TMEM216: variants seen among roughly 807,000 people sequenced by gnomAD.
TMEM216 encodes transmembrane protein 216.
A neutral mutation model predicts 17.8 loss-of-function variants in TMEM216; 15 were observed. That is an observed-to-expected ratio of 0.84 (90% CI 0.56 to 1.30). The LOEUF (loss-of-function observed/expected upper bound fraction) is 1.30. TMEM216 is among the 50% of genes most tolerant of loss of function. TMEM216 has a pLI of 0.00. For missense variants in TMEM216, 160 were observed against 175.7 expected, an observed-to-expected ratio of 0.91 and a Z score of 0.51; for synonymous variants, 58 against 73.5, an observed-to-expected ratio of 0.79 and a Z score of 1.08.
intron 4 of TMEM216, 120 bp from the exon 5 acceptor site, chr11:61,398,150 G>A: frequency 7.0e-7 from 1 of 1,432,606 alleles, no homozygotes; most frequent in South Asian, 1.2e-5. Flanking sequence ...TTCCCACTCA[G>A]GGAAGATACT....
intron 3 of TMEM216, 53 bp from the exon 4 acceptor site, chr11:61,397,721 G>A: frequency 6.5e-7 from 1 of 1,549,736 alleles, no homozygotes; most frequent in Non-Finnish European, 8.9e-7. Flanking sequence ...CCTTTCCCCT[G>A]GGCCAGGAAA....
Position 61,398,531 on chromosome 11 carries a change from T to G in TMEM216, c.*255T>G. The stretch of plus-strand genomic sequence containing the variant: ...GGCAAGGTTATTCCCATCCTGCCCC[T>G]TCTCAGAACCAGTCCCCTGCTGACC... On this transcript the variant is annotated 3_prime_UTR_variant, in exon 5 of 5. Transcript: ENST00000515837. 1.9e-6 allele frequency: 1 copy of G among 527,784 alleles called. No individual in the cohort carries two copies. The allele number at this position is 527,784 out of a possible 1,614,324, so 32.7% of individuals were successfully genotyped here.
chr11:61,394,413 G>C (rs112985176), intron 3 of TMEM216: 1 of 154,464 alleles, frequency 6.5e-6, no homozygotes, highest in Non-Finnish European at 1.4e-5. Context: ...TCTGTCCCCA[G>C]GCTGGAGTGC....
intron 1 of TMEM216, 90 bp downstream of exon 1, chr11:61,392,755 A>G (rs1001374141): frequency 9.1e-6 from 14 of 1,533,742 alleles, no homozygotes; most frequent in Admixed American, 2.0e-5. Flanking sequence ...TAAACCCTCC[A>G]TTCTCTAGCG....
At chr11:61,395,918 G>C (rs1425426480) in intron 3 of TMEM216, among the ~76,000 whole-genome samples, 1 of 152,032 alleles carries the variant, frequency 6.6e-6, no homozygotes, top group Non-Finnish European at 1.5e-5. Flanking sequence ...TGGGGAACAG[G>C]TTGTTATACA....
chr11:61,398,211 A>G, intron 4 of TMEM216, 59 bp from the exon 5 acceptor site: 12 of 1,597,808 alleles, frequency 7.5e-6, no homozygotes, highest in Non-Finnish European at 9.4e-6. Flanking sequence ...AGTCGAGGCC[A>G]GCTGCTCTCA....
In TMEM216 at chr11:61,397,838, A is replaced by T. The variant is rs1199911042; in HGVS notation, c.294A>T (p.Pro98=). ...PLSISVALTF[P]SAMMASYYLL... is the part of the protein sequence containing the mutation. ...GTATTAGCGTGGCCTTGACCTTCCC[A>T]TCTGCCATGATGGCCTCCTATTACC... Residue 98 remains proline (P), a synonymous_variant, in exon 4 of 5, where the codon CCA becomes CCT. Transcript: ENST00000515837. 1.9e-6 allele frequency: 3 copies of T among 1,613,948 alleles called. No homozygotes were observed.
rs547305489 is a variant in TMEM216 at position 61,394,137 on chromosome 11, G to A, written c.229+161G>A. On this transcript the variant is annotated intron_variant, in intron 3 of 4. Coordinates refer to ENST00000515837, the MANE Select transcript of TMEM216 (RefSeq NM_001173990.3). ...GTTTCAAGTTGCTGCTTCATACATTGGGTCAAGATTTACCTGTTTGTTGCT... is the reference window on the plus strand; with the variant it reads ...GTTTCAAGTTGCTGCTTCATACATTAGGTCAAGATTTACCTGTTTGTTGCT... 7.8e-6 allele frequency: 5 copies of A among 639,296 alleles called. No homozygotes were observed. The South Asian group carries it at 9.8e-5, about 13-fold the overall frequency. 39.6% of individuals were successfully genotyped at this position (639,296 alleles called of 1,614,324 possible).
chr11:61,394,796 A>T (rs1858763215), intron 3 of TMEM216, among the ~76,000 whole-genome samples: 2 of 151,740 alleles, frequency 1.3e-5, no homozygotes, highest in South Asian at 4.2e-4. Flanking sequence ...CCTCCTGAGT[A>T]GCTGGGACTG....
chr11:61,396,599 C>G (rs1240036935), intron 3 of TMEM216, among the ~76,000 whole-genome samples: 1 of 151,672 alleles, frequency 6.6e-6, no homozygotes, highest in Non-Finnish European at 1.5e-5. Flanking sequence ...TCGTGACCAG[C>G]CTGGCTAACA....
rs1440827828 is a variant in TMEM216, at chr11:61,392,779, G to T, written c.34+114G>T. 3 of 1,528,262 alleles carry T rather than the reference G, an allele frequency of 2.0e-6. No homozygotes were observed. In the East Asian group the frequency reaches 7.4e-5, roughly 37 times the overall value. The allele number at this position is 1,528,262 out of a possible 1,614,324, so 94.7% of individuals were successfully genotyped here. A position where few individuals can be genotyped will look rare whatever the true frequency, so the allele number is the denominator to read the frequency against. ...CATTCTCTAGCGTTAGGGACGTCGC[G>T]CCTCCCTGGTCCAAAGCCGGCTTCC... On this transcript the variant is annotated intron_variant, in intron 1 of 4. Coordinates refer to ENST00000515837, the MANE Select transcript of TMEM216 (RefSeq NM_001173990.3).
intron 3 of TMEM216, 121 bp from the exon 4 acceptor site, chr11:61,397,653 T>C (rs2135195825): frequency 3.6e-6 from 3 of 826,188 alleles, no homozygotes; most frequent in East Asian, 2.6e-5. Flanking sequence ...TTTATAAATC[T>C]GCACACCCCC....
intron 3 of TMEM216, among the ~76,000 whole-genome samples, chr11:61,396,974 G>A (rs939241993): frequency 2.0e-5 from 3 of 151,436 alleles, no homozygotes; most frequent in African/African-American, 7.3e-5. Flanking sequence ...GTGGAAAAAT[G>A]TTTGTGGGGG....
chr11:61,393,087 T>G (rs1431190067), intron 1 of TMEM216, 144 bp from the exon 2 acceptor site: 1 of 369,934 alleles, frequency 2.7e-6, no homozygotes. Context: ...CCTCGCCCCC[T>G]CATTATCAGC....
chr11:61,397,764 T>C lies in TMEM216; in HGVS notation c.230-10T>C, dbSNP rs1858829914. On this transcript the variant is annotated splice_polypyrimidine_tract_variant and intron_variant, in intron 3 of 4. Coordinates refer to ENST00000515837, the MANE Select transcript of TMEM216 (RefSeq NM_001173990.3). ...CATTTGGAGATGACTCCATGGGCTG[T>C]GTCTGACAGGTACAAAGGGAAACCT... The C allele has an allele frequency of 3.1e-6, 5 of 1,611,488 alleles. No homozygotes were observed. Among genetic ancestry groups the C allele is most frequent in the Non-Finnish European group, 4.2e-6 (5 of 1,179,068 alleles).
chr11:61,393,461 C>A, intron 2 of TMEM216, 129 bp downstream of exon 2: 1 of 655,380 alleles, frequency 1.5e-6, no homozygotes, highest in South Asian at 2.0e-5. Flanking sequence ...GCAAGGCAGG[C>A]CTCCTCATCA....
chr11:61,395,432 G>A (rs949577399), intron 3 of TMEM216, among the ~76,000 whole-genome samples: 7 of 151,790 alleles, frequency 4.6e-5, no homozygotes, highest in African/African-American at 1.7e-4. Context: ...AATCACTAAG[G>A]AAAAAACAAA....
intron 3 of TMEM216, 106 bp from the exon 4 acceptor site, chr11:61,397,668 A>C (rs1308392478): frequency 8.0e-6 from 8 of 1,004,000 alleles, no homozygotes; most frequent in Non-Finnish European, 1.2e-5. Context: ...ACCCCCACTC[A>C]GGATTATTTT....
chr11:61,392,912 G>T (rs1858706069), intron 1 of TMEM216: 2 of 982,734 alleles, frequency 2.0e-6, no homozygotes, highest in South Asian at 9.4e-5. Flanking sequence ...GAATCTGTTG[G>T]TCTCTGCGCC....
Sources: allele counts gnomAD v4.1 joint callset (sites outside exome capture counted in the v4.1 genomes callset), GRCh38; gene constraint gnomAD v4.1.1; transcripts MANE v1.5; gene names NCBI Gene and HGNC (gene_info 2026-07-23, HGNC 2026-07-21).